TRPM6: variants seen among roughly 807,000 people sequenced by gnomAD.
TRPM6 encodes the protein channel kinase 2.
In TRPM6, 111 loss-of-function variants were observed where a neutral mutation model predicts 247.6. The observed-to-expected ratio is 0.45, with a 90% confidence interval of 0.38 to 0.52. The LOEUF is 0.52. TRPM6 is among the 20% of genes least tolerant of loss of function. TRPM6 has a pLI of 0.00. For synonymous variants in TRPM6, 892 were observed against 853.8 expected (o/e 1.04, Z -0.78); for missense variants, 2,126 against 2,421.5 (o/e 0.88, Z 2.56).
intron 31 of TRPM6, 173 bp from the exon 32 acceptor site, chr9:74,744,318 C>CAGCT: frequency 1.5e-6 from 1 of 687,674 alleles, no homozygotes; most frequent in Non-Finnish European, 2.6e-6. Context: ...GGTATCCTGA[C>CAGCT]AGCTTCCAAT....
chr9:74,754,640 C>T (rs573730368), intron 28 of TRPM6, among the ~76,000 whole-genome samples: 1 of 152,318 alleles, frequency 6.6e-6, no homozygotes, highest in African/African-American at 2.4e-5. Flanking sequence ...ACAATGTCTA[C>T]CTGTACCTTA....
intron 19 of TRPM6, among the ~76,000 whole-genome samples, chr9:74,790,554 T>G (rs1040802477): frequency 6.6e-6 from 1 of 152,224 alleles, no homozygotes; most frequent in Non-Finnish European, 1.5e-5. Flanking sequence ...CGTACATTAA[T>G]GGTCTCCCCT....
At chr9:74,792,061 T>C (rs1247461464) in intron 19 of TRPM6, among the ~76,000 whole-genome samples, 2 of 152,100 alleles carry the variant, frequency 1.3e-5, no homozygotes, top group South Asian at 2.1e-4. Flanking sequence ...CTGGCCTCAA[T>C]TGCTGATTTT....
At chr9:74,811,707 T>C (rs1380111871) in intron 12 of TRPM6, among the ~76,000 whole-genome samples, 1 of 152,244 alleles carries the variant, frequency 6.6e-6, no homozygotes, top group Non-Finnish European at 1.5e-5. Flanking sequence ...ATCTATAAAC[T>C]ATCTTTGTAC....
intron 25 of TRPM6, among the ~76,000 whole-genome samples, chr9:74,768,918 G>A (rs1050652737): frequency 6.6e-6 from 1 of 152,154 alleles, no homozygotes; most frequent in Non-Finnish European, 1.5e-5. Context: ...GGGGAGGCAG[G>A]GAGGCTATCC....
chr9:74,753,237 T>C (rs911516975), intron 28 of TRPM6, among the ~76,000 whole-genome samples: 2 of 152,162 alleles, frequency 1.3e-5, no homozygotes, highest in Non-Finnish European at 2.9e-5. Flanking sequence ...ACAGAGTTAC[T>C]ACATATAGTA....
intron 6 of TRPM6, among the ~76,000 whole-genome samples, chr9:74,829,784 T>G (rs779487176): frequency 6.6e-6 from 1 of 152,094 alleles, no homozygotes; most frequent in African/African-American, 2.4e-5. Flanking sequence ...CTATGAGAAA[T>G]GCAGCATACT....
At chr9:74,828,840 T>C (rs1002094893) in intron 6 of TRPM6, among the ~76,000 whole-genome samples, 1 of 151,890 alleles carries the variant, frequency 6.6e-6, no homozygotes, top group Non-Finnish European at 1.5e-5. Context: ...CCAGCCTTCG[T>C]TTTCATTTCT....
intron 1 of TRPM6, among the ~76,000 whole-genome samples, chr9:74,877,180 A>G (rs551585892): frequency 8.3e-4 from 127 of 152,326 alleles, no homozygotes; most frequent in African/African-American, 3.0e-3. Context: ...AAGGACAAAC[A>G]CAAGAGTTAT....
At chr9:74,840,307 C>T in intron 4 of TRPM6, 70 bp from the exon 5 acceptor site, 1 of 1,153,492 alleles carries the variant, frequency 8.7e-7, no homozygotes, top group Non-Finnish European at 1.3e-6. Context: ...AAACAATGAG[C>T]ACACAGCAGG....
intron 1 of TRPM6, among the ~76,000 whole-genome samples, chr9:74,884,504 TATACATACATAC>T (rs4013871): frequency 6.8e-5 from 10 of 148,100 alleles, no homozygotes; most frequent in South Asian, 4.4e-4. Context: ...TAAATACATA[TATACATACATAC>T]ATACATACAT....
At chr9:74,740,132 G>T in intron 33 of TRPM6, 123 bp from the exon 34 acceptor site, 2 of 1,073,622 alleles carry the variant, frequency 1.9e-6, no homozygotes, top group Non-Finnish European at 2.8e-6. Context: ...AATGGGACTA[G>T]CAGGGAACAG....
At position 74,739,704 on chromosome 9, in the gene TRPM6, C is replaced by G; in HGVS notation, c.5487+19G>C. 6.2e-7 allele frequency: 1 copy of G among 1,609,502 alleles called. No homozygotes were observed. Among genetic ancestry groups the G allele is most frequent in the Non-Finnish European group, 8.5e-7 (1 of 1,179,958 alleles). On this transcript the variant is annotated intron_variant, in intron 34 of 38. Coordinates refer to ENST00000360774, the MANE Select transcript of TRPM6 (RefSeq NM_017662.5). ...TGACTTGTCCCTCTGGGCTATGGGT[C>G]TCTGAGTTTCAGACTTACCCTGAGG...
chr9:74,835,805 G>A (rs1829702647), intron 5 of TRPM6, among the ~76,000 whole-genome samples: 1 of 152,010 alleles, frequency 6.6e-6, no homozygotes, highest in Non-Finnish European at 1.5e-5. Flanking sequence ...TTATTTTTTA[G>A]AGTAGTTTTG....
chr9:74,854,434 G>A (rs907735974), intron 3 of TRPM6, among the ~76,000 whole-genome samples: 3 of 151,742 alleles, frequency 2.0e-5, no homozygotes, highest in Admixed American at 2.0e-4. Flanking sequence ...AATTAATTGT[G>A]GTCTTCACCA....
At chr9:74,876,279 T>G (rs1456799649) in intron 1 of TRPM6, among the ~76,000 whole-genome samples, 1 of 152,150 alleles carries the variant, frequency 6.6e-6, no homozygotes, top group Middle Eastern at 3.2e-3. Flanking sequence ...AGACGGGGTT[T>G]CATCATGCTG....
At chr9:74,852,482 T>G (rs1830362422) in intron 3 of TRPM6, among the ~76,000 whole-genome samples, 1 of 139,642 alleles carries the variant, frequency 7.2e-6, no homozygotes, top group African/African-American at 3.1e-5. Flanking sequence ...CCTCTCCCTC[T>G]CCGTCTCCGT....
rs199661130 is a variant in TRPM6 at position 74,829,166 on chromosome 9, G to A, written c.670-1217C>T. On this transcript the variant is annotated intron_variant, in intron 6 of 38. Coordinates refer to ENST00000360774, the MANE Select transcript of TRPM6 (RefSeq NM_017662.5). ...AAATTAGCCAGGCATGGTGGCATGC[G>A]CCTGTAGTCCAGCTACTCAGGAGGC... Among the ~76,000 whole-genome samples, 8 of 152,058 alleles carry A rather than the reference G, an allele frequency of 5.3e-5. No homozygotes were observed. The East Asian group carries it at 1.2e-3, about 22-fold the overall frequency.
intron 37 of TRPM6, among the ~76,000 whole-genome samples, chr9:74,729,595 A>T (rs1587445866): frequency 6.6e-6 from 1 of 152,148 alleles, no homozygotes; most frequent in Non-Finnish European, 1.5e-5. Flanking sequence ...GGGGGTATTT[A>T]CCCGGCTGCC....
Sources: gnomAD v4.1 joint callset for allele counts (sites outside exome capture counted in the v4.1 genomes callset) on GRCh38, gnomAD v4.1.1 for gene constraint, MANE v1.5 for transcripts, NCBI Gene and HGNC (gene_info 2026-07-23, HGNC 2026-07-21) for gene names.